The following CSNK1G1 variants were observed in gnomAD, a reference collection of about 807,000 sequenced individuals.
The protein encoded by CSNK1G1 is casein kinase I isoform gamma-1.
In CSNK1G1, 22 loss-of-function variants were observed where a neutral mutation model predicts 59.6. The ratio of observed to expected loss-of-function variants is 0.37; its 90% CI spans 0.26 to 0.53. The LOEUF is 0.53. Among genes scored for constraint, CSNK1G1 ranks in the 20% least tolerant of loss-of-function variants. The pLI, the probability that CSNK1G1 is intolerant of heterozygous loss-of-function variation, is 0.89. For synonymous variants in CSNK1G1, 179 were observed against 177.1 expected (o/e 1.01, Z -0.08); for missense variants, 384 against 519.5 (o/e 0.74, Z 2.54).
chr15:64,351,670 G>A (rs1898294683), intron 1 of CSNK1G1, among the ~76,000 whole-genome samples: 2 of 152,196 alleles, frequency 1.3e-5, no homozygotes, highest in Non-Finnish European at 2.9e-5. Flanking sequence ...CTTGAGGCCA[G>A]GAGTTCAAGA....
intron 6 of CSNK1G1, among the ~76,000 whole-genome samples, chr15:64,211,651 C>T (rs1360750289): frequency 6.6e-6 from 1 of 152,174 alleles, no homozygotes; most frequent in Non-Finnish European, 1.5e-5. Context: ...ATTTTACATA[C>T]ATTATCTCAT....
chr15:64,311,572 G>T (rs1368321829), intron 1 of CSNK1G1, among the ~76,000 whole-genome samples: 1 of 149,822 alleles, frequency 6.7e-6, no homozygotes, highest in Non-Finnish European at 1.5e-5. Context: ...AGGCTCACTT[G>T]AGCCCACGAA....
At chr15:64,215,076 T>C (rs1303642561) in intron 5 of CSNK1G1, among the ~76,000 whole-genome samples, 1 of 144,536 alleles carries the variant, frequency 6.9e-6, no homozygotes. Context: ...GCTGGGATTA[T>C]AGACACGAGC....
intron 4 of CSNK1G1, among the ~76,000 whole-genome samples, chr15:64,244,246 C>A (rs1891632702): frequency 6.7e-6 from 1 of 150,016 alleles, no homozygotes; most frequent in African/African-American, 2.5e-5. Flanking sequence ...GGAAAAAAAT[C>A]AAGAAAGTAA....
Position 64,216,451 on chromosome 15 carries a change from G to T in CSNK1G1, c.444+111C>A. 1 of 1,073,136 alleles carries T rather than the reference G, an allele frequency of 9.3e-7. No individual in the cohort carries two copies. The highest frequency in any genetic ancestry group is 1.4e-6 in the Non-Finnish European group (1 of 739,100). The allele number at this position is 1,073,136 out of a possible 1,614,324, so 66.5% of individuals were successfully genotyped here. A position where few individuals can be genotyped will look rare whatever the true frequency, so the allele number is the denominator to read the frequency against. On this transcript the variant is annotated intron_variant, in intron 5 of 11. Transcript: ENST00000303052. This position sits in a 1 kb window ranked among gnomAD's most constrained non-coding sequence, Gnocchi z 4.6. ...AGCTTCCCAGAATGCCATCAAGCCT[G>T]TGAGTACTAATTCTTGATGTGTTGC...
rs1313919377 is a variant in CSNK1G1 at position 64,329,005 on chromosome 15, A to G, written c.-225+26983T>C. On this transcript the variant is annotated intron_variant, in intron 1 of 11. Coordinates refer to ENST00000303052, the MANE Select transcript of CSNK1G1 (RefSeq NM_022048.5). ...TAAATATATATGCACCCAATACAGG[A>G]GCACCCAGATTCATAAAGCAAGTCC... 1.0e-4 allele frequency among the ~76,000 whole-genome samples: 15 copies of G among 146,922 alleles called. No homozygotes were observed. The Admixed American group carries it at 1.0e-3, about 10-fold the overall frequency.
chr15:64,166,155 C>T lies in CSNK1G1; in HGVS notation c.*5776G>A. On this transcript the variant is annotated 3_prime_UTR_variant, in exon 12 of 12. Coordinates refer to ENST00000303052, the MANE Select transcript of CSNK1G1 (RefSeq NM_022048.5). The surrounding 1 kb of genome is among the most constrained non-coding windows in gnomAD (Gnocchi z 4.5). ...ATCCACACATTAAAACTGATTTCCA[C>T]TGCTGATTTATACATTATCTAGTTG... The T allele has an allele frequency of 1.9e-6, 1 of 514,688 alleles. No individual in the cohort carries two copies. Among genetic ancestry groups the T allele is most frequent in the African/African-American group, 2.0e-5 (1 of 50,752 alleles). 31.9% of individuals were successfully genotyped at this position (514,688 alleles called of 1,614,324 possible).
intron 9 of CSNK1G1, 137 bp downstream of exon 9, chr15:64,204,304 A>G: frequency 1.5e-6 from 1 of 685,066 alleles, no homozygotes; most frequent in Non-Finnish European, 2.2e-6. Context: ...CAAGGCTAGT[A>G]AATATACAGT....
intron 2 of CSNK1G1, chr15:64,265,817 T>A (rs147743758): frequency 2.0e-4 from 92 of 456,630 alleles, no homozygotes; most frequent in African/African-American, 1.7e-3. Context: ...CAGTGGCTTA[T>A]GCCTATTACT....
intron 10 of CSNK1G1, among the ~76,000 whole-genome samples, chr15:64,191,579 A>C (rs1317250630): frequency 1.3e-5 from 2 of 152,342 alleles, no homozygotes. Flanking sequence ...ATTTGTTGAA[A>C]GATTTAAGAT....
At chr15:64,307,668 G>T (rs997642286) in intron 1 of CSNK1G1, among the ~76,000 whole-genome samples, 2 of 152,118 alleles carry the variant, frequency 1.3e-5, no homozygotes, top group South Asian at 4.1e-4. Flanking sequence ...GAAACATCTT[G>T]TCAGCAACTT....
chr15:64,297,550 TA>T (rs920917283), intron 2 of CSNK1G1, among the ~76,000 whole-genome samples: 1 of 151,712 alleles, frequency 6.6e-6, no homozygotes, highest in African/African-American at 2.4e-5. Context: ...CATTTAAAAA[TA>T]AAAAAATTAG....
At chr15:64,314,153 TG>T (rs1380208867) in intron 1 of CSNK1G1, among the ~76,000 whole-genome samples, 4 of 152,178 alleles carry the variant, frequency 2.6e-5, no homozygotes, top group Non-Finnish European at 5.9e-5. Context: ...TAGCCCAGGC[TG>T]GAGTGTAGTG....
chr15:64,209,282 A>G (rs1293933762), intron 6 of CSNK1G1, among the ~76,000 whole-genome samples: 2 of 152,228 alleles, frequency 1.3e-5, no homozygotes, highest in African/African-American at 4.8e-5. Context: ...GCTACCTTCA[A>G]CTTGATTGTG....
chr15:64,213,064 A>G (rs1196664476), intron 6 of CSNK1G1, among the ~76,000 whole-genome samples: 1 of 152,196 alleles, frequency 6.6e-6, no homozygotes, highest in Non-Finnish European at 1.5e-5. Flanking sequence ...ATATTTAAGA[A>G]TATTTTATAA....
chr15:64,261,495 G>T (rs1366739434), intron 2 of CSNK1G1, among the ~76,000 whole-genome samples: 3 of 152,100 alleles, frequency 2.0e-5, no homozygotes, highest in African/African-American at 7.2e-5. Flanking sequence ...CAGCTACTCA[G>T]CAGACTGAGG....
intron 1 of CSNK1G1, among the ~76,000 whole-genome samples, chr15:64,317,324 G>C (rs1896326876): frequency 6.6e-6 from 1 of 151,774 alleles, no homozygotes; most frequent in Non-Finnish European, 1.5e-5. Context: ...CCTGACCTCA[G>C]GTGATCCGCC....
At chr15:64,220,111 T>C (rs995743316) in intron 4 of CSNK1G1, among the ~76,000 whole-genome samples, 1 of 151,766 alleles carries the variant, frequency 6.6e-6, no homozygotes, top group African/African-American at 2.4e-5. Flanking sequence ...TTTTTTTTTT[T>C]TGAGACAGAG....
chr15:64,309,839 G>A (rs996573719), intron 1 of CSNK1G1, among the ~76,000 whole-genome samples: 4 of 152,168 alleles, frequency 2.6e-5, no homozygotes, highest in African/African-American at 9.7e-5. Flanking sequence ...GCCTGGTGTG[G>A]TGGCTCATGC....
Sources: allele counts gnomAD v4.1 joint callset (sites outside exome capture counted in the v4.1 genomes callset), GRCh38; gene constraint gnomAD v4.1.1; non-coding constraint Gnocchi (gnomAD v3.1); transcripts MANE v1.5; gene names NCBI Gene and HGNC (gene_info 2026-07-23, HGNC 2026-07-21).